STK36: variants seen among roughly 807,000 people sequenced by gnomAD.
STK36 encodes the protein serine/threonine kinase 36.
A neutral mutation model predicts 142.2 loss-of-function variants in STK36; 116 were observed. The ratio of observed to expected loss-of-function variants is 0.82; its 90% CI spans 0.70 to 0.95. STK36 has a LOEUF of 0.95. STK36 is among the 40% of genes least tolerant of loss of function. STK36 has a pLI of 0.00. For synonymous variants in STK36, 619 were observed against 641.7 expected, an observed-to-expected ratio of 0.96 and a Z score of 0.53; for missense variants, 1,422 against 1,617.2, an observed-to-expected ratio of 0.88 and a Z score of 2.07.
chr2:218,675,204 T>C, intron 4 of STK36, 139 bp from the exon 5 acceptor site: 1 of 912,242 alleles, frequency 1.1e-6, no homozygotes, highest in East Asian at 2.7e-5. Flanking sequence ...GAACAATAAC[T>C]AAGAAAGAAT....
rs541746382 is a variant in STK36, at chr2:218,692,393, G to A, written c.1915+100G>A. Reference sequence around the variant, plus strand: ...TCACCTAGATCGCACCTGGCATTTAGTAGGTGCTCAATAAATAACTGTGAA... The same window carrying A: ...TCACCTAGATCGCACCTGGCATTTAATAGGTGCTCAATAAATAACTGTGAA... On this transcript the variant is annotated intron_variant, in intron 15 of 26. Transcript: ENST00000295709. The A allele has an allele frequency of 2.2e-5, 33 of 1,530,692 alleles. No homozygotes were observed. In the South Asian group the frequency reaches 4.0e-4, roughly 19 times the overall value. The allele number at this position is 1,530,692 out of a possible 1,614,324, so 94.8% of individuals were successfully genotyped here. A position where few individuals can be genotyped will look rare whatever the true frequency, so the allele number is the denominator to read the frequency against.
intron 6 of STK36, among the ~76,000 whole-genome samples, chr2:218,678,825 A>G (rs1940372702): frequency 6.6e-6 from 1 of 152,224 alleles, no homozygotes; most frequent in South Asian, 2.1e-4. Context: ...AGTTCTTTGA[A>G]TGTTTGCTGT....
In STK36 at chr2:218,679,244, T is replaced by A; in HGVS notation, c.761T>A (p.Ile254Asn). 6.2e-7 allele frequency: 1 copy of A among 1,614,214 alleles called. No homozygotes were observed. Among genetic ancestry groups the A allele is most frequent in the South Asian group, 1.1e-5 (1 of 91,088 alleles). Reference sequence around the variant, plus strand: ...CCAGACCTCTTATATCACCCCTTTATTGCTGGTCATGTCACCAGTGAGTCA... The same window carrying A: ...CCAGACCTCTTATATCACCCCTTTAATGCTGGTCATGTCACCAGTGAGTCA... ...SWPDLLYHPFIAGHVTIITEP... is the reference protein window; with the variant it reads ...SWPDLLYHPFNAGHVTIITEP... The change falls in exon 7 of 27, where the codon ATT (isoleucine) becomes AAT (asparagine). Residue 254 changes from isoleucine (I) to asparagine (N), a missense_variant. By Grantham distance (149) the Ile-to-Asn change is moderately radical. Coordinates refer to ENST00000295709, the MANE Select transcript of STK36 (RefSeq NM_015690.5).
In STK36 at chr2:218,676,269, C is replaced by G. The variant is rs1041994441; in HGVS notation, c.675C>G (p.Pro225=). ...TGCGCTGGCCCTCAACCATCAGTCC[C>G]TGCTTTAAGGTAATGAATATTGAAA... ...DPVRWPSTIS[P]CFKNFLQGLL... is the part of the protein sequence containing the mutation. The change falls in exon 6 of 27, where the codon CCC becomes CCG. Residue 225 remains proline (P), a synonymous_variant. Coordinates refer to ENST00000295709, the MANE Select transcript of STK36 (RefSeq NM_015690.5). The G allele has an allele frequency of 6.2e-7, 1 of 1,614,032 alleles. No homozygotes were observed. The highest frequency in any genetic ancestry group is 1.3e-5 in the African/African-American group (1 of 74,922).
chr2:218,693,849 C>T, intron 18 of STK36, 28 bp downstream of exon 18: 1 of 1,614,030 alleles, frequency 6.2e-7, no homozygotes, highest in Non-Finnish European at 8.5e-7. Context: ...GGCAGCCCCA[C>T]TGTCTCAGCC....
intron 26 of STK36, among the ~76,000 whole-genome samples, chr2:218,701,607 G>A (rs1235735006): frequency 6.6e-6 from 1 of 152,172 alleles, no homozygotes; most frequent in Non-Finnish European, 1.5e-5. Context: ...CTGGGGACAA[G>A]TATATGTGTC....
intron 13 of STK36, 88 bp downstream of exon 13, chr2:218,690,044 A>G (rs1379473713): frequency 8.2e-7 from 1 of 1,215,660 alleles, no homozygotes; most frequent in African/African-American, 1.5e-5. Context: ...CAGGCCAAGT[A>G]TGAAGAAGCT....
In STK36 at chr2:218,698,968, G is replaced by T; in HGVS notation, c.3424G>T (p.Ala1142Ser). Residue 1142 changes from alanine to serine, a missense_variant, in exon 26 of 27, where the codon GCC (alanine) becomes TCC (serine). Transcript: ENST00000295709. ...GGGACACTTGCTCCAACACAGCATGGCCCTGCGTGGGGCACTGCAGAGCCA... is the reference window on the plus strand; with the variant it reads ...GGGACACTTGCTCCAACACAGCATGTCCCTGCGTGGGGCACTGCAGAGCCA... ...LLGHLLQHSM[A>S]LRGALQSQSG... The T allele has an allele frequency of 6.2e-7, 1 of 1,614,160 alleles. No individual in the cohort carries two copies. Among genetic ancestry groups the T allele is most frequent in the Non-Finnish European group, 8.5e-7 (1 of 1,180,030 alleles).
At chr2:218,674,538 T>G (rs891117767) in intron 4 of STK36, among the ~76,000 whole-genome samples, 2 of 152,240 alleles carry the variant, frequency 1.3e-5, no homozygotes, top group Non-Finnish European at 1.5e-5. Context: ...TGCAGCATTC[T>G]CTTTCCTTCT....
At chr2:218,673,551 T>C in intron 2 of STK36, 74 bp from the exon 3 acceptor site, 1 of 1,520,236 alleles carries the variant, frequency 6.6e-7, no homozygotes, top group Non-Finnish European at 8.8e-7. Context: ...TCTGGAGCTC[T>C]GAGATTAAGG....
chr2:218,688,426 T>C (rs957870752), intron 11 of STK36: 2 of 586,722 alleles, frequency 3.4e-6, no homozygotes, highest in Non-Finnish European at 6.4e-6. Context: ...CAGATGGGAA[T>C]GGCACTTAGT....
At chr2:218,688,468 C>T (rs939685083) in intron 11 of STK36, 10 of 598,534 alleles carry the variant, frequency 1.7e-5, no homozygotes, top group East Asian at 9.7e-5. Flanking sequence ...GGCCCCTATC[C>T]GTTGGTCACT....
chr2:218,683,869 A>G (rs547403156), intron 10 of STK36, among the ~76,000 whole-genome samples: 1 of 151,552 alleles, frequency 6.6e-6, no homozygotes, highest in Non-Finnish European at 1.5e-5. Context: ...TTTACTGAGA[A>G]TGATGATTTC....
intron 22 of STK36, 77 bp from the exon 23 acceptor site, chr2:218,696,962 A>G: frequency 6.3e-7 from 1 of 1,579,612 alleles, no homozygotes; most frequent in East Asian, 2.2e-5. Context: ...CTTGTAAGTC[A>G]GGGACAGGAA....
intron 7 of STK36, 73 bp from the exon 8 acceptor site, chr2:218,679,486 AG>A: frequency 1.3e-6 from 2 of 1,523,158 alleles, no homozygotes; most frequent in Non-Finnish European, 8.9e-7. Flanking sequence ...GAGACACTGA[AG>A]TTGTCCCTGG....
At chr2:218,699,479 T>G in intron 26 of STK36, 131 bp downstream of exon 26, 1 of 1,362,282 alleles carries the variant, frequency 7.3e-7, no homozygotes, top group South Asian at 1.5e-5. Flanking sequence ...CCAGGGACAG[T>G]GTCTTGGAGT....
At chr2:218,672,993 A>T in intron 2 of STK36, 80 bp downstream of exon 2, 1 of 1,285,734 alleles carries the variant, frequency 7.8e-7, no homozygotes, top group Non-Finnish European at 1.1e-6. Context: ...GAAGGAATGT[A>T]TTTATACCAG....
chr2:218,688,384 T>G lies in STK36; in HGVS notation c.1381-313T>G, dbSNP rs1342314664. 3 of 528,180 alleles carry G rather than the reference T, an allele frequency of 5.7e-6. No homozygotes were observed. The Admixed American group carries it at 6.7e-5, about 12-fold the overall frequency. The allele number at this position is 528,180 out of a possible 1,614,324, so 32.7% of individuals were successfully genotyped here. A position where few individuals can be genotyped will look rare whatever the true frequency, so the allele number is the denominator to read the frequency against. On this transcript the variant is annotated intron_variant, in intron 11 of 26. Transcript: ENST00000295709. The stretch of plus-strand genomic sequence containing the variant: ...CATGTGCGGTGCACGTGTTTTTTGT[T>G]TTTAAGGTGAAGGGCTGGAGAAGGG...
chr2:218,698,537 T>G lies in STK36; in HGVS notation c.3058-65T>G, dbSNP rs538942155. 122 of 1,539,586 alleles carry G rather than the reference T, an allele frequency of 7.9e-5. 1 individual carries two copies. In the East Asian group the frequency reaches 2.6e-3, roughly 33 times the overall value. ...CTTGGCTTTTCTCTCTCCCAGGTTT[T>G]GGGCTTCTTTATAGCTGCATATACT... On this transcript the variant is annotated intron_variant, in intron 25 of 26. Coordinates refer to ENST00000295709, the MANE Select transcript of STK36 (RefSeq NM_015690.5).
Sources: allele counts gnomAD v4.1 joint callset (sites outside exome capture counted in the v4.1 genomes callset), GRCh38; gene constraint gnomAD v4.1.1; transcripts MANE v1.5; gene names NCBI Gene and HGNC (gene_info 2026-07-23, HGNC 2026-07-21).